Variants in SEMA4B observed in about 807,000 individuals in gnomAD.
SEMA4B encodes the protein semaphorin 4B.
SEMA4B carries 55 observed loss-of-function variants against 88.1 expected under a neutral mutation model. The ratio of observed to expected loss-of-function variants is 0.62; its 90% CI spans 0.50 to 0.78. The LOEUF (loss-of-function observed/expected upper bound fraction) is 0.78. Ranked by LOEUF, SEMA4B falls within the 30% of genes least tolerant of loss-of-function variation. The pLI is 0.00. For missense variants in SEMA4B, 1,062 were observed against 1,111.9 expected (o/e 0.96, Z 0.64); for synonymous variants, 525 against 473.6 (o/e 1.11, Z -1.41).
chr15:90,221,899 C>T (rs1961871080), intron 7 of SEMA4B, 134 bp downstream of exon 7: 6 of 717,908 alleles, frequency 8.4e-6, no homozygotes, highest in East Asian at 5.8e-5. Context: ...TTTTCTCTCT[C>T]ACCTTTTAAA....
chr15:90,220,559 G>A (rs999657429), intron 4 of SEMA4B, among the ~76,000 whole-genome samples: 2 of 151,456 alleles, frequency 1.3e-5, no homozygotes, highest in African/African-American at 4.9e-5. Context: ...CGGTAGAGAG[G>A]GGGGTTTCAC....
At chr15:90,226,541 A>G (rs1243701482) in intron 12 of SEMA4B, among the ~76,000 whole-genome samples, 1 of 152,154 alleles carries the variant, frequency 6.6e-6, no homozygotes, top group Non-Finnish European at 1.5e-5. Flanking sequence ...GGGTTTCACC[A>G]TGTTGGCCAG....
At chr15:90,219,721 G>A (rs1330892015) in intron 3 of SEMA4B, 72 bp from the exon 4 acceptor site, 6 of 1,207,772 alleles carry the variant, frequency 5.0e-6, no homozygotes, top group Non-Finnish European at 6.0e-6. Context: ...GGTGTGGAAG[G>A]GGGGGCTCGG....
intron 3 of SEMA4B, among the ~76,000 whole-genome samples, chr15:90,218,493 T>C (rs1431266838): frequency 6.6e-6 from 1 of 152,176 alleles, no homozygotes; most frequent in Non-Finnish European, 1.5e-5. Context: ...GGAGATTTAA[T>C]TGTGAAAAAG....
chr15:90,221,606 C>A lies in SEMA4B; in HGVS notation c.710-8C>A. On this transcript the variant is annotated splice_region_variant and splice_polypyrimidine_tract_variant and intron_variant, in intron 6 of 13. Transcript: ENST00000411539. The stretch of plus-strand genomic sequence containing the variant: ...GCTGACTCTGAGCTCCTGACCTGGT[C>A]CCTACAGACCCAGCTTTTGTGGCCT... The A allele has an allele frequency of 6.2e-7, 1 of 1,613,954 alleles. No individual in the cohort carries two copies. Among genetic ancestry groups the A allele is most frequent in the Admixed American group, 1.7e-5 (1 of 60,024 alleles).
At chr15:90,225,871 C>T (rs1962149991) in intron 12 of SEMA4B, 44 bp downstream of exon 12, 4 of 1,428,488 alleles carry the variant, frequency 2.8e-6, no homozygotes, top group Non-Finnish European at 3.7e-6. Flanking sequence ...CAGCCCTGCA[C>T]AGGTGACCTC....
At chr15:90,224,822 A>C (rs1962054793) in intron 9 of SEMA4B, 146 bp from the exon 10 acceptor site, 1 of 693,302 alleles carries the variant, frequency 1.4e-6, no homozygotes, top group African/African-American at 1.8e-5. Flanking sequence ...AGATGTGCAC[A>C]CTGGCTCTGT....
intron 1 of SEMA4B, chr15:90,217,076 T>A: frequency 5.7e-6 from 1 of 174,062 alleles, no homozygotes; most frequent in Non-Finnish European, 1.2e-5. Context: ...TTTCTGGAGC[T>A]TCTAATACAT....
chr15:90,190,644 G>A (rs1018649896), intron 1 of SEMA4B, among the ~76,000 whole-genome samples: 5 of 152,172 alleles, frequency 3.3e-5, no homozygotes, highest in African/African-American at 1.2e-4. Context: ...GCTCAGACTG[G>A]GATTTTAGAG....
At chr15:90,190,318 T>C (rs982000630) in intron 1 of SEMA4B, 7 of 152,100 alleles carry the variant, frequency 4.6e-5, no homozygotes, top group Non-Finnish European at 1.0e-4. Flanking sequence ...CAAAGCAGGG[T>C]GAGAGTACAG....
rs1596146428 is a variant in SEMA4B, at chr15:90,217,432, TC to T, written c.158-3del. 1 of 1,611,026 alleles carries T rather than the reference TC, an allele frequency of 6.2e-7. No individual in the cohort carries two copies. Among genetic ancestry groups the T allele is most frequent in the African/African-American group, 1.3e-5 (1 of 74,974 alleles). ...GCCCCAGGTAATACCCATCTTCCTC[TC>T]CCCAGGCTCTGAAGAGCGGCCATTC... On this transcript the variant is annotated splice_region_variant and splice_polypyrimidine_tract_variant and intron_variant, in intron 1 of 13. Transcript: ENST00000411539.
At chr15:90,206,958 C>A in intron 1 of SEMA4B, 1 of 580,412 alleles carries the variant, frequency 1.7e-6, no homozygotes, top group Non-Finnish European at 3.1e-6. Flanking sequence ...ACTTCTAATG[C>A]AAGAAATGAA....
chr15:90,216,125 A>G (rs1309023544), intron 1 of SEMA4B, among the ~76,000 whole-genome samples: 1 of 151,748 alleles, frequency 6.6e-6, no homozygotes, highest in African/African-American at 2.4e-5. Context: ...AGTAGCTGGG[A>G]TTACAGGCAT....
chr15:90,191,205 G>T (rs951173207), intron 1 of SEMA4B, among the ~76,000 whole-genome samples: 2 of 152,194 alleles, frequency 1.3e-5, no homozygotes, highest in Admixed American at 6.5e-5. Context: ...AGGCCCCAGT[G>T]GGGGTGGTGC....
chr15:90,217,918 G>T, intron 3 of SEMA4B, 89 bp downstream of exon 3: 4 of 1,124,030 alleles, frequency 3.6e-6, no homozygotes, highest in Non-Finnish European at 5.3e-6. Context: ...GGTGGGAGCA[G>T]ATACAGCCAG....
chr15:90,225,820 GC>G lies in SEMA4B; in HGVS notation c.1683del (p.Thr562ProfsTer45). On this transcript the variant is annotated frameshift_variant, in exon 12 of 14. Coordinates refer to ENST00000411539, the MANE Select transcript of SEMA4B (RefSeq NM_198925.4). LOFTEE classifies it high-confidence loss of function. ...CGTCAGCCTCTACCAGCCTCAGCTGGCCACCAGGTGAGCACTCCCAAAGGCC... is the reference window on the plus strand; with the variant it reads ...CGTCAGCCTCTACCAGCCTCAGCTGGCACCAGGTGAGCACTCCCAAAGGCC... ...KHVSLYQPQLATRPWIQDIEG... is the reference protein window; with the variant it reads ...KHVSLYQPQLXTRPWIQDIEG... The G allele has an allele frequency of 6.5e-7, 1 of 1,528,670 alleles. No homozygotes were observed. The allele number at this position is 1,528,670 out of a possible 1,614,324, so 94.7% of individuals were successfully genotyped here.
chr15:90,211,357 T>C (rs1961258074), intron 1 of SEMA4B, among the ~76,000 whole-genome samples: 1 of 152,212 alleles, frequency 6.6e-6, no homozygotes, highest in Admixed American at 6.5e-5. Flanking sequence ...GCACAGATGC[T>C]GTGAGGCCAG....
rs746145639 is a variant in SEMA4B at position 90,225,130 on chromosome 15, C to G, written c.1357C>G (p.Arg453Gly). Residue 453 changes from arginine (R) to glycine (G), a missense_variant, in exon 10 of 14, where the codon CGC (arginine) becomes GGC (glycine). By Grantham distance (125) the Arg-to-Gly change is moderately radical. Transcript: ENST00000411539. ...TCGCTACCAGCGCGTGGCTGTACAC[C>G]GCGTCCCTGGCCTGCACCACACCTA... ...QARYQRVAVH[R>G]VPGLHHTYDV... is the part of the protein sequence containing the mutation. 1 of 1,613,108 alleles carries G rather than the reference C, an allele frequency of 6.2e-7. No individual in the cohort carries two copies. The highest frequency in any genetic ancestry group is 8.5e-7 in the Non-Finnish European group (1 of 1,179,682).
intron 3 of SEMA4B, chr15:90,219,218 G>C (rs568820065): frequency 1.3e-5 from 2 of 152,058 alleles, no homozygotes; most frequent in Non-Finnish European, 2.9e-5. Context: ...GGAAATTATG[G>C]GGTATGACCG....
Sources: allele counts gnomAD v4.1 joint callset (sites outside exome capture counted in the v4.1 genomes callset), GRCh38; gene constraint gnomAD v4.1.1; transcripts MANE v1.5; gene names NCBI Gene and HGNC (gene_info 2026-07-23, HGNC 2026-07-21).